Variants in DOCK1 observed in about 807,000 individuals in gnomAD.
The protein encoded by DOCK1 is dedicator of cytokinesis 1, also known as dedicator of cytokinesis protein 1.
In DOCK1, 138 loss-of-function variants were observed where a neutral mutation model predicts 262.7. The observed-to-expected ratio is 0.53, with a 90% CI of 0.46 to 0.61. DOCK1 has a LOEUF of 0.61. DOCK1 is among the 20% of genes least tolerant of loss of function. DOCK1 has a pLI of 0.00. For missense variants in DOCK1, 1,908 were observed against 2,370.7 expected, an observed-to-expected ratio of 0.80 and a Z score of 4.05; for synonymous variants, 866 against 867.4, an observed-to-expected ratio of 1.00 and a Z score of 0.03.
intron 1 of DOCK1, among the ~76,000 whole-genome samples, chr10:126,960,723 A>AATATATATAT (rs1159655828): frequency 1.1e-4 from 15 of 134,656 alleles, no homozygotes; most frequent in African/African-American, 4.2e-4. Flanking sequence ...CCTACCCTCA[A>AATATATATAT]ATATATATAT....
chr10:127,064,355 G>C (rs1052246998), intron 23 of DOCK1, among the ~76,000 whole-genome samples: 2 of 152,170 alleles, frequency 1.3e-5, no homozygotes, highest in Non-Finnish European at 2.9e-5. Flanking sequence ...TTGCGGATTA[G>C]AGTCAGCCAC....
chr10:127,086,589 A>G (rs942802053), intron 23 of DOCK1, among the ~76,000 whole-genome samples: 3 of 152,218 alleles, frequency 2.0e-5, no homozygotes, highest in African/African-American at 7.2e-5. Flanking sequence ...ATCATGAAAG[A>G]TCATGAATAT....
At chr10:127,365,456 T>A (rs1369038929) in intron 33 of DOCK1, among the ~76,000 whole-genome samples, 2 of 152,218 alleles carry the variant, frequency 1.3e-5, no homozygotes, top group Non-Finnish European at 2.9e-5. Flanking sequence ...TGCTTTTTCC[T>A]AGGCAGAAAA....
intron 1 of DOCK1, among the ~76,000 whole-genome samples, chr10:126,906,196 C>T (rs1030386344): frequency 2.0e-5 from 3 of 152,334 alleles, no homozygotes; most frequent in Admixed American, 1.3e-4. Context: ...GGAGACCCTT[C>T]CGGGAGAGCG....
At chr10:127,217,137 A>G (rs1221701972) in intron 27 of DOCK1, among the ~76,000 whole-genome samples, 1 of 152,270 alleles carries the variant, frequency 6.6e-6, no homozygotes, top group Non-Finnish European at 1.5e-5. Flanking sequence ...GCCATGTCTC[A>G]GGACATTAGA....
intron 29 of DOCK1, among the ~76,000 whole-genome samples, chr10:127,278,711 GT>G: frequency 6.6e-6 from 1 of 152,200 alleles, no homozygotes; most frequent in Non-Finnish European, 1.5e-5. Context: ...ACTTAACTTT[GT>G]TTTTCTTCAA....
chr10:127,039,907 G>A (rs1469234314), intron 19 of DOCK1, among the ~76,000 whole-genome samples: 1 of 152,208 alleles, frequency 6.6e-6, no homozygotes, highest in Admixed American at 6.5e-5. Context: ...CCTTGAACAT[G>A]GTCTTAGAGA....
At chr10:127,432,315 G>A (rs963329774) in intron 47 of DOCK1, among the ~76,000 whole-genome samples, 1 of 152,068 alleles carries the variant, frequency 6.6e-6, no homozygotes, top group African/African-American at 2.4e-5. Flanking sequence ...AGGGGAAGTG[G>A]CGTTATATTA....
rs1465183325 is a variant in DOCK1 at position 127,175,627 on chromosome 10, A to G, written c.2847+47863A>G. On this transcript the variant is annotated intron_variant, in intron 27 of 51. Transcript: ENST00000623213. This position sits in a 1 kb window ranked among gnomAD's most constrained non-coding sequence, Gnocchi z 6.3. Reference sequence around the variant, plus strand: ...GCCCTGGCACTGAGGGCAGGTGCGTAAACGGTGGCAACCTCCGTTTTAAAC... The same window carrying G: ...GCCCTGGCACTGAGGGCAGGTGCGTGAACGGTGGCAACCTCCGTTTTAAAC... 6.2e-7 allele frequency: 1 copy of G among 1,613,078 alleles called. No individual in the cohort carries two copies. The highest frequency in any genetic ancestry group is 8.5e-7 in the Non-Finnish European group (1 of 1,179,952).
At chr10:127,006,538 G>T (rs1290124619) in intron 10 of DOCK1, among the ~76,000 whole-genome samples, 1 of 152,180 alleles carries the variant, frequency 6.6e-6, no homozygotes, top group Non-Finnish European at 1.5e-5. Flanking sequence ...TGTCCAAACT[G>T]CAGGGAGCAC....
chr10:126,912,313 C>T (rs2031892459), intron 1 of DOCK1, among the ~76,000 whole-genome samples: 1 of 151,856 alleles, frequency 6.6e-6, no homozygotes, highest in Non-Finnish European at 1.5e-5. Flanking sequence ...GCCTGTAATC[C>T]CAGCTACTGG....
chr10:127,127,803 G>T, intron 27 of DOCK1, 39 bp downstream of exon 27: 1 of 1,557,932 alleles, frequency 6.4e-7, no homozygotes. Context: ...ATTTAACTGG[G>T]GCTGACAGCA....
At chr10:127,132,994 A>C (rs1278376658) in intron 27 of DOCK1, among the ~76,000 whole-genome samples, 1 of 152,180 alleles carries the variant, frequency 6.6e-6, no homozygotes, top group African/African-American at 2.4e-5. Flanking sequence ...TCTTGTCACC[A>C]CTGGAGCATC....
intron 27 of DOCK1, among the ~76,000 whole-genome samples, chr10:127,217,344 T>C (rs998296578): frequency 4.6e-5 from 7 of 152,238 alleles, no homozygotes; most frequent in East Asian, 3.8e-4. Flanking sequence ...ATTAGTGATA[T>C]GCTGTATGGA....
At chr10:127,377,477 C>T (rs1227599443) in intron 35 of DOCK1, among the ~76,000 whole-genome samples, 1 of 152,126 alleles carries the variant, frequency 6.6e-6, no homozygotes, top group Non-Finnish European at 1.5e-5. Flanking sequence ...ATAGAATTTA[C>T]CAATGCTCTG....
At position 126,990,498 on chromosome 10, in the gene DOCK1, A is replaced by G. The variant is rs750631429; in HGVS notation, c.368A>G (p.Tyr123Cys). ...TTTCGAAGTGTGCGGCACATGATCT[A>G]TGACCTTATTGAATGGCGATCACAA... is the stretch of plus-strand genomic sequence containing the variant. Reference protein sequence around the residue: ...EMFRSVRHMIYDLIEWRSQIL... With the variant: ...EMFRSVRHMICDLIEWRSQIL... The change falls in exon 6 of 52, where the codon TAT becomes TGT. Residue 123 changes from tyrosine (Y) to cysteine (C), a missense_variant. Coordinates refer to ENST00000623213, the MANE Select transcript of DOCK1 (RefSeq NM_001290223.2). The G allele has an allele frequency of 5.0e-6, 8 of 1,613,456 alleles. No homozygotes were observed. Among genetic ancestry groups the G allele is most frequent in the South Asian group, 1.1e-5 (1 of 90,866 alleles).
Position 127,410,835 on chromosome 10 carries a change from T to C in DOCK1, c.4344-5T>C. 6.2e-7 allele frequency: 1 copy of C among 1,613,542 alleles called. No homozygotes were observed. Among genetic ancestry groups the C allele is most frequent in the African/African-American group, 1.3e-5 (1 of 75,046 alleles). ...ATATCTAATGATCTGTCTGTCTCTG[T>C]ACAGTTTTTACAGGGTGAACGAGGT... is the stretch of plus-strand genomic sequence containing the variant. On this transcript the variant is annotated splice_region_variant and splice_polypyrimidine_tract_variant and intron_variant, in intron 42 of 51. Transcript: ENST00000623213.
Position 127,256,653 on chromosome 10 carries a change from A to G in DOCK1, c.2950-682A>G, listed in dbSNP as rs1476223698. Among the ~76,000 whole-genome samples the G allele has an allele frequency of 3.9e-5, 6 of 152,172 alleles. No homozygotes were observed. The East Asian group carries it at 1.2e-3, about 29-fold the overall frequency. ...GAACCGGCTACCCCTTCCTGATGTC[A>G]GGCACATTCCATGGAAGCAGGGTAG... is the stretch of plus-strand genomic sequence containing the variant. On this transcript the variant is annotated intron_variant, in intron 28 of 51. Coordinates refer to ENST00000623213, the MANE Select transcript of DOCK1 (RefSeq NM_001290223.2).
At chr10:127,130,687 G>A (rs2050268866) in intron 27 of DOCK1, among the ~76,000 whole-genome samples, 1 of 152,198 alleles carries the variant, frequency 6.6e-6, no homozygotes, top group South Asian at 2.1e-4. Flanking sequence ...GCATTTACGT[G>A]CTATGCACTC....
Sources: allele counts gnomAD v4.1 joint callset (sites outside exome capture counted in the v4.1 genomes callset), GRCh38; gene constraint gnomAD v4.1.1; non-coding constraint Gnocchi (gnomAD v3.1); transcripts MANE v1.5; gene names NCBI Gene and HGNC (gene_info 2026-07-23, HGNC 2026-07-21).